Variants in VCAN observed in about 807,000 individuals in gnomAD.
VCAN encodes versican.
A neutral mutation model predicts 245.5 loss-of-function variants in VCAN; 44 were observed. The ratio of observed to expected loss-of-function variants is 0.18; its 90% CI spans 0.14 to 0.23. The LOEUF (loss-of-function observed/expected upper bound fraction) is 0.23. Among genes scored for constraint, VCAN ranks in the 10% least tolerant of loss-of-function variants. The pLI is 1.00. For missense variants in VCAN, 3,793 were observed against 4,057.9 expected, an observed-to-expected ratio of 0.93 and a Z score of 1.77; for synonymous variants, 1,413 against 1,437.0, an observed-to-expected ratio of 0.98 and a Z score of 0.38.
intron 12 of VCAN, among the ~76,000 whole-genome samples, chr5:83,555,433 C>T (rs946724749): frequency 5.9e-5 from 9 of 152,128 alleles, no homozygotes; most frequent in African/African-American, 9.7e-5. Flanking sequence ...ACTGGAAATC[C>T]GCTATAAGGC....
In VCAN at chr5:83,524,531, C is replaced by G. The variant is rs532918359; in HGVS notation, c.4003+2222C>G. 9.9e-5 allele frequency among the ~76,000 whole-genome samples: 14 copies of G among 141,516 alleles called. No homozygotes were observed. In the Admixed American group the frequency reaches 9.9e-4, roughly 10 times the overall value. The allele number at this position is 141,516 out of a possible 152,430, so 92.8% of individuals were successfully genotyped here. Reference sequence around the variant, plus strand: ...ACCTACCTACCTTCCTACCTACCTACCTGCGTACCTACCTACCTACCTACC... The same window carrying G: ...ACCTACCTACCTTCCTACCTACCTAGCTGCGTACCTACCTACCTACCTACC... On this transcript the variant is annotated intron_variant, in intron 7 of 14. Coordinates refer to ENST00000265077, the MANE Select transcript of VCAN (RefSeq NM_004385.5).
chr5:83,548,032 C>T lies in VCAN; in HGVS notation c.9441C>T (p.Asn3147=). 6.2e-7 allele frequency: 1 copy of T among 1,614,078 alleles called. No individual in the cohort carries two copies. The highest frequency in any genetic ancestry group is 8.5e-7 in the Non-Finnish European group (1 of 1,179,956). The change falls in exon 10 of 15, where the codon AAC becomes AAT. Residue 3147 remains asparagine, a synonymous_variant. Transcript: ENST00000265077. ...GAGCCACTTGTGTTGATGGTTTTAACACATTCAGGTGCCTCTGCCTTCCAA... is the reference window on the plus strand; with the variant it reads ...GAGCCACTTGTGTTGATGGTTTTAATACATTCAGGTGCCTCTGCCTTCCAA... ...RNGATCVDGF[N]TFRCLCLPSY...
intron 1 of VCAN, among the ~76,000 whole-genome samples, chr5:83,473,094 C>T (rs1188356905): frequency 6.6e-6 from 1 of 152,094 alleles, no homozygotes; most frequent in African/African-American, 2.4e-5. Context: ...CTAGCGGCAG[C>T]GGCGCGCGCG....
chr5:83,511,116 G>A (rs1463205033), intron 5 of VCAN, among the ~76,000 whole-genome samples: 2 of 151,124 alleles, frequency 1.3e-5, no homozygotes, highest in Non-Finnish European at 3.0e-5. Context: ...TCTGGGGCCC[G>A]AGTGAGTGGG....
In VCAN at chr5:83,555,044, A is replaced by C. The variant is rs1458070182; in HGVS notation, c.9735+6A>C. 2.5e-6 allele frequency: 4 copies of C among 1,613,224 alleles called. No individual in the cohort carries two copies. In the African/African-American group the frequency reaches 4.0e-5, roughly 16 times the overall value. On this transcript the variant is annotated splice_donor_region_variant and intron_variant, in intron 12 of 14. Coordinates refer to ENST00000265077, the MANE Select transcript of VCAN (RefSeq NM_004385.5). ...GGACTGATGGCAGCACACTGGTAAGATGCCCTTGAAAATGATGTCAAGTTC... is the reference window on the plus strand; with the variant it reads ...GGACTGATGGCAGCACACTGGTAAGCTGCCCTTGAAAATGATGTCAAGTTC...
Position 83,520,227 on chromosome 5 carries a change from T to C in VCAN, c.1921T>C (p.Ser641Pro), listed in dbSNP as rs761622471. Residue 641 changes from serine to proline, a missense_variant, in exon 7 of 15, where the codon TCT becomes CCT. Transcript: ENST00000265077. ...ITEEFLGKYL[S>P]TTPFPSQHRT... The stretch of plus-strand genomic sequence containing the variant: ...GGAAGAGTTTCTTGGCAAATATCTG[T>C]CTACTACACCTTTTCCATCACAGCA... The C allele has an allele frequency of 5.0e-6, 8 of 1,613,912 alleles. No individual in the cohort carries two copies. The highest frequency in any genetic ancestry group is 4.5e-5 in the East Asian group (2 of 44,890).
In VCAN at chr5:83,539,409, G is replaced by A. The variant is rs369618834; in HGVS notation, c.6406G>A (p.Glu2136Lys). The change falls in exon 8 of 15, where the codon GAA (glutamate) becomes AAA (lysine). Residue 2136 changes from glutamate (E) to lysine (K), a missense_variant. Glu to Lys is a moderately conservative substitution (Grantham distance 56). Around this residue, in one of 5 missense-constraint regions of VCAN, gnomAD observed 3,182 missense variants for 3,250.3 expected, o/e 0.98. Transcript: ENST00000265077. Reference sequence around the variant, plus strand: ...ATCCCCTCAAAACTCTCCTGCAACAGAACAAACAATCTTTGATTCACAGAC... The same window carrying A: ...ATCCCCTCAAAACTCTCCTGCAACAAAACAAACAATCTTTGATTCACAGAC... ...FESPQNSPATEQTIFDSQTFT... is the reference protein window; with the variant it reads ...FESPQNSPATKQTIFDSQTFT... 6 of 1,613,790 alleles carry A rather than the reference G, an allele frequency of 3.7e-6. No individual in the cohort carries two copies. In the African/African-American group the frequency reaches 8.0e-5, roughly 22 times the overall value.
At chr5:83,509,828 CT>C (rs1745598001) in intron 5 of VCAN, among the ~76,000 whole-genome samples, 1 of 152,158 alleles carries the variant, frequency 6.6e-6, no homozygotes, top group South Asian at 2.1e-4. Flanking sequence ...CTCCATGTTG[CT>C]TTGAGCCAAG....
At chr5:83,554,864 C>A in intron 11 of VCAN, 92 bp from the exon 12 acceptor site, 1 of 1,173,778 alleles carries the variant, frequency 8.5e-7, no homozygotes, top group South Asian at 1.3e-5. Flanking sequence ...AAAGAGGATG[C>A]ATGATTCATG....
rs190958979 is a variant in VCAN at position 83,482,215 on chromosome 5, A to G, written c.-6-1298A>G. Among the ~76,000 whole-genome samples the G allele has an allele frequency of 1.8e-3, 269 of 152,302 alleles. 2 individuals carry two copies. Among genetic ancestry groups the G allele is most frequent in the African/African-American group, 6.2e-3 (259 of 41,560 alleles). ...ACTTACTCATGGATGCAAAATCCCT[A>G]CAACAGTTCCAGCAGAAAGATTCCA... On this transcript the variant is annotated intron_variant, in intron 1 of 14. Coordinates refer to ENST00000265077, the MANE Select transcript of VCAN (RefSeq NM_004385.5).
At chr5:83,551,265 C>A (rs988015242) in intron 10 of VCAN, among the ~76,000 whole-genome samples, 2 of 152,102 alleles carry the variant, frequency 1.3e-5, no homozygotes, top group Non-Finnish European at 2.9e-5. Flanking sequence ...AATCCCAGCA[C>A]TCTGGGAGGC....
intron 7 of VCAN, among the ~76,000 whole-genome samples, chr5:83,523,284 C>T (rs1469087572): frequency 6.6e-6 from 1 of 152,024 alleles, no homozygotes; most frequent in Admixed American, 6.6e-5. Context: ...TTGTCTCTTT[C>T]TAGTTTAGAA....
chr5:83,500,904 G>T (rs190647904), intron 5 of VCAN, among the ~76,000 whole-genome samples: 1 of 152,112 alleles, frequency 6.6e-6, no homozygotes, highest in African/African-American at 2.4e-5. Context: ...TTTCAATGTG[G>T]CTGTACCATT....
Position 83,537,319 on chromosome 5 carries a change from C to A in VCAN, c.4316C>A (p.Pro1439His). The A allele has an allele frequency of 6.2e-7, 1 of 1,613,914 alleles. No homozygotes were observed. Among genetic ancestry groups the A allele is most frequent in the Non-Finnish European group, 8.5e-7 (1 of 1,179,936 alleles). The change falls in exon 8 of 15, where the codon CCT becomes CAT. Residue 1439 changes from proline (P) to histidine (H), a missense_variant. This residue lies in a region of VCAN where 3,182 missense variants were observed against 3,250.3 expected (regional missense o/e 0.98). Coordinates refer to ENST00000265077, the MANE Select transcript of VCAN (RefSeq NM_004385.5). Reference sequence around the variant, plus strand: ...CGTGGCCAGTTTGAAAGTGTTGCACCTTCTCAGAATTTCTCGGACAGCTCT... The same window carrying A: ...CGTGGCCAGTTTGAAAGTGTTGCACATTCTCAGAATTTCTCGGACAGCTCT... ...ARRGQFESVA[P>H]SQNFSDSSES...
chr5:83,479,726 C>T (rs140384268), intron 1 of VCAN, among the ~76,000 whole-genome samples: 23 of 152,180 alleles, frequency 1.5e-4, no homozygotes, highest in African/African-American at 5.1e-4. Flanking sequence ...AAAGATGTAA[C>T]TTAATGACCA....
In VCAN at chr5:83,541,116, G is replaced by C; in HGVS notation, c.8113G>C (p.Glu2705Gln). ...TCGTAAGTCTGCCACAGTTATTCCA[G>C]AGATTGAAGGAATAAAAGCTGAAGC... is the stretch of plus-strand genomic sequence containing the variant. ...IPRKSATVIP[E>Q]IEGIKAEAKA... The change falls in exon 8 of 15, where the codon GAG becomes CAG. Residue 2705 changes from glutamate (E) to glutamine (Q), a missense_variant. By Grantham distance (29) the Glu-to-Gln change is conservative. Transcript: ENST00000265077. 6.2e-7 allele frequency: 1 copy of C among 1,614,118 alleles called. No homozygotes were observed. Among genetic ancestry groups the C allele is most frequent in the Non-Finnish European group, 8.5e-7 (1 of 1,180,002 alleles).
At chr5:83,567,502 A>T (rs1050785633) in intron 12 of VCAN, among the ~76,000 whole-genome samples, 2 of 151,606 alleles carry the variant, frequency 1.3e-5, no homozygotes, top group Non-Finnish European at 2.9e-5. Context: ...GGGTTTCACT[A>T]TGTTGGCCAG....
intron 1 of VCAN, among the ~76,000 whole-genome samples, chr5:83,476,572 G>A (rs540304993): frequency 7.2e-5 from 11 of 152,292 alleles, no homozygotes; most frequent in Non-Finnish European, 1.0e-4. Context: ...AGAAAAGGGG[G>A]ATTAGATATG....
chr5:83,501,920 AC>A (rs1401516780), intron 5 of VCAN, among the ~76,000 whole-genome samples: 2 of 152,064 alleles, frequency 1.3e-5, no homozygotes, highest in Non-Finnish European at 2.9e-5. Context: ...TGATCTGTGA[AC>A]CTGAGATGTC....
Sources: gnomAD v4.1 joint callset for allele counts (sites outside exome capture counted in the v4.1 genomes callset) on GRCh38, gnomAD v4.1.1 for gene constraint, gnomAD v4.1.1 regional missense constraint, MANE v1.5 for transcripts, NCBI Gene and HGNC (gene_info 2026-07-23, HGNC 2026-07-21) for gene names.